The following SOX12 variants were observed in gnomAD, a reference collection of about 807,000 sequenced individuals.
SOX12 encodes the protein SRY-box transcription factor 12.
SOX12 carries 8 observed loss-of-function variants against 21.5 expected under a neutral mutation model. The observed-to-expected ratio is 0.37, with a 90% CI of 0.22 to 0.67. The LOEUF (loss-of-function observed/expected upper bound fraction) is 0.67, where lower values mean the gene tolerates loss of function less well. Ranked by LOEUF, SOX12 falls within the 30% of genes least tolerant of loss-of-function variation. The pLI is 0.56. For synonymous variants in SOX12, 235 were observed against 224.2 expected (o/e 1.05, Z -0.43); for missense variants, 400 against 482.6 (o/e 0.83, Z 1.60).
rs961060369 is a variant in SOX12, at chr20:327,166, C to G, written c.*294C>G. On this transcript the variant is annotated 3_prime_UTR_variant, in exon 1 of 1. Transcript: ENST00000342665. ...TACACCTCCCGTCCTCTCCTACAGA[C>G]CTGCACCCCTCCCCCCTTTTGCACA... The G allele has an allele frequency of 7.3e-5, 33 of 449,548 alleles. No individual in the cohort carries two copies. Among genetic ancestry groups the G allele is most frequent in the African/African-American group, 6.6e-4 (32 of 48,840 alleles). 27.8% of individuals were successfully genotyped at this position (449,548 alleles called of 1,614,324 possible).
chr20:328,064 G>A lies in SOX12; in HGVS notation c.*1192G>A, dbSNP rs897013501. 1 of 167,196 alleles carries A rather than the reference G, an allele frequency of 6.0e-6. No individual in the cohort carries two copies. Among genetic ancestry groups the A allele is most frequent in the Admixed American group, 6.5e-5 (1 of 15,292 alleles). 10.4% of individuals were successfully genotyped at this position (167,196 alleles called of 1,614,324 possible). A position where few individuals can be genotyped will look rare whatever the true frequency, so the allele number is the denominator to read the frequency against. On this transcript the variant is annotated 3_prime_UTR_variant, in exon 1 of 1. Transcript: ENST00000342665. ...GAAGACTCTCGCTTTTAAACATCTG[G>A]TTTGGGAGAGACCATCGACTTGGCC...
chr20:326,606 G>C lies in SOX12; in HGVS notation c.682G>C (p.Glu228Gln). ...GACACCGTCGGAGGACGAGGAGCCG[G>C]AGGAAGAGGAGGAGGAGGCGGCAGC... is the stretch of plus-strand genomic sequence containing the variant. The part of the protein sequence containing the change: ...SPTPSEDEEP[E>Q]EEEEEAAAAE... Residue 228 changes from glutamate to glutamine, a missense_variant, in exon 1 of 1, where the codon GAG becomes CAG. Physicochemically the swap from Glu to Gln is conservative, Grantham distance 29. Coordinates refer to ENST00000342665, the MANE Select transcript of SOX12 (RefSeq NM_006943.4). This position sits in a 1 kb window ranked among gnomAD's most constrained non-coding sequence, Gnocchi z 9.9. The C allele has an allele frequency of 6.5e-7, 1 of 1,540,354 alleles. No individual in the cohort carries two copies. Among genetic ancestry groups the C allele is most frequent in the Non-Finnish European group, 8.7e-7 (1 of 1,143,284 alleles).
At position 326,669 on chromosome 20, in the gene SOX12, G is replaced by C. The variant is rs1394903386; in HGVS notation, c.745G>C (p.Glu249Gln). The C allele has an allele frequency of 1.9e-6, 3 of 1,558,120 alleles. No homozygotes were observed. Among genetic ancestry groups the C allele is most frequent in the African/African-American group, 2.7e-5 (2 of 73,268 alleles). Reference protein sequence around the residue: ...EGEEETVASGEESLGFLSRLP... With the variant: ...EGEEETVASGQESLGFLSRLP... The stretch of plus-strand genomic sequence containing the variant: ...TGAAGAGGAGACGGTGGCGTCGGGG[G>C]AGGAGTCGCTGGGCTTTCTGTCCAG... The change falls in exon 1 of 1, where the codon GAG (glutamate) becomes CAG (glutamine). Residue 249 changes from glutamate (E) to glutamine (Q), a missense_variant. Physicochemically the swap from Glu to Gln is conservative, Grantham distance 29. This residue lies in a region of SOX12 where 235 missense variants were observed against 219.3 expected (regional missense o/e 1.07). Coordinates refer to ENST00000342665, the MANE Select transcript of SOX12 (RefSeq NM_006943.4). The surrounding 1 kb of genome is among the most constrained non-coding windows in gnomAD (Gnocchi z 9.9).
Position 326,620 on chromosome 20 carries a change from G to A in SOX12, c.696G>A (p.Glu232=), listed in dbSNP as rs1371573666. ...SEDEEPEEEE[E]EAAAAEEGEE... is the part of the protein sequence containing the mutation. The stretch of plus-strand genomic sequence containing the variant: ...ACGAGGAGCCGGAGGAAGAGGAGGA[G>A]GAGGCGGCAGCGGCTGAGGAAGGTG... Residue 232 remains glutamate, a synonymous_variant, in exon 1 of 1, where the codon GAG becomes GAA. Coordinates refer to ENST00000342665, the MANE Select transcript of SOX12 (RefSeq NM_006943.4). The surrounding 1 kb of genome is among the most constrained non-coding windows in gnomAD (Gnocchi z 9.9). 1 of 1,544,828 alleles carries A rather than the reference G, an allele frequency of 6.5e-7. No homozygotes were observed. The highest frequency in any genetic ancestry group is 2.0e-5 in the Admixed American group (1 of 50,468).
Position 328,093 on chromosome 20 carries a change from G to A in SOX12, c.*1221G>A, listed in dbSNP as rs189952110. The A allele has an allele frequency of 6.0e-6, 1 of 167,304 alleles. No homozygotes were observed. Among genetic ancestry groups the A allele is most frequent in the East Asian group, 1.9e-4 (1 of 5,190 alleles). 10.4% of individuals were successfully genotyped at this position (167,304 alleles called of 1,614,324 possible). ...GGGAGAGACCATCGACTTGGCCAGT[G>A]AGACTGAGAATGGATTCCGAGTAGT... On this transcript the variant is annotated 3_prime_UTR_variant, in exon 1 of 1. Transcript: ENST00000342665.
rs922508934 is a variant in SOX12 at position 329,517 on chromosome 20, T to C, written c.*2645T>C. On this transcript the variant is annotated 3_prime_UTR_variant, in exon 1 of 1. Transcript: ENST00000342665. ...TCCCTCCCTGTTTGAATCTGCAGAT[T>C]GTGTTAGGCCCCCAGCTGAGGGCCT... 1.2e-5 allele frequency: 2 copies of C among 166,530 alleles called. No individual in the cohort carries two copies. Among genetic ancestry groups the C allele is most frequent in the Non-Finnish European group, 2.9e-5 (2 of 68,164 alleles). 10.3% of individuals were successfully genotyped at this position (166,530 alleles called of 1,614,324 possible).
rs1333215980 is a variant in SOX12 at position 330,139 on chromosome 20, T to G, written c.*3267T>G. 6.0e-6 allele frequency: 1 copy of G among 167,128 alleles called. No homozygotes were observed. Among genetic ancestry groups the G allele is most frequent in the African/African-American group, 2.4e-5 (1 of 41,466 alleles). The allele number at this position is 167,128 out of a possible 1,614,324, so 10.4% of individuals were successfully genotyped here. On this transcript the variant is annotated 3_prime_UTR_variant, in exon 1 of 1. Transcript: ENST00000342665. The stretch of plus-strand genomic sequence containing the variant: ...GGGCTTCGTCAGGCCTGCAGCACAA[T>G]TTGACTTCCTATGCCCAGGCCTGCT...
chr20:325,557 A>C lies in SOX12; in HGVS notation c.-368A>C, dbSNP rs1361531987. The C allele has an allele frequency of 6.7e-6, 1 of 149,264 alleles. No individual in the cohort carries two copies. Among genetic ancestry groups the C allele is most frequent in the African/African-American group, 2.4e-5 (1 of 40,898 alleles). The allele number at this position is 149,264 out of a possible 1,614,324, so 9.2% of individuals were successfully genotyped here. A position where few individuals can be genotyped will look rare whatever the true frequency, so the allele number is the denominator to read the frequency against. ...GGCCGCGCGGGGAGAAAGACACTGA[A>C]AGGCGTCGGCGGCCGGGCGGGGAGC... is the stretch of plus-strand genomic sequence containing the variant. On this transcript the variant is annotated 5_prime_UTR_variant, in exon 1 of 1. Transcript: ENST00000342665. The surrounding 1 kb of genome is among the most constrained non-coding windows in gnomAD (Gnocchi z 5.0).
In SOX12 at chr20:326,263, A is replaced by G; in HGVS notation, c.339A>G (p.Lys113=). The change falls in exon 1 of 1, where the codon AAA becomes AAG. Residue 113 remains lysine, a synonymous_variant. Coordinates refer to ENST00000342665, the MANE Select transcript of SOX12 (RefSeq NM_006943.4). This position sits in a 1 kb window ranked among gnomAD's most constrained non-coding sequence, Gnocchi z 9.9. ...CGGACTACAAGTACCGGCCGCGCAA[A>G]AAGAGCAAGGGGGCGCCCGCCAAGG... ...DYPDYKYRPR[K]KSKGAPAKAR... The G allele has an allele frequency of 6.5e-7, 1 of 1,533,616 alleles. No individual in the cohort carries two copies. The highest frequency in any genetic ancestry group is 8.8e-7 in the Non-Finnish European group (1 of 1,141,250).
rs772697483 is a variant in SOX12 at position 326,239 on chromosome 20, G to C, written c.315G>C (p.Pro105=). Residue 105 remains proline, a synonymous_variant, in exon 1 of 1, where the codon CCG becomes CCC. Coordinates refer to ENST00000342665, the MANE Select transcript of SOX12 (RefSeq NM_006943.4). This position sits in a 1 kb window ranked among gnomAD's most constrained non-coding sequence, Gnocchi z 9.9. Reference sequence around the variant, plus strand: ...GGCTCAAGCACATGGCGGATTACCCGGACTACAAGTACCGGCCGCGCAAAA... The same window carrying C: ...GGCTCAAGCACATGGCGGATTACCCCGACTACAAGTACCGGCCGCGCAAAA... The part of the protein sequence containing the change: ...RLRLKHMADY[P]DYKYRPRKKS... 2.5e-6 allele frequency: 4 copies of C among 1,574,304 alleles called. No individual in the cohort carries two copies. The highest frequency in any genetic ancestry group is 3.4e-4 in the Middle Eastern group (2 of 5,958).
In SOX12 at chr20:328,170, G is replaced by A. The variant is rs1214932699; in HGVS notation, c.*1298G>A. 1.2e-5 allele frequency: 2 copies of A among 167,038 alleles called. No homozygotes were observed. The highest frequency in any genetic ancestry group is 2.9e-5 in the Non-Finnish European group (2 of 68,156). The allele number at this position is 167,038 out of a possible 1,614,324, so 10.3% of individuals were successfully genotyped here. A position where few individuals can be genotyped will look rare whatever the true frequency, so the allele number is the denominator to read the frequency against. ...CCACGTGAGAAATGGGGAGAACGCT[G>A]CTGTTAGGAGGAAGTTGTGTCCAGT... On this transcript the variant is annotated 3_prime_UTR_variant, in exon 1 of 1. Transcript: ENST00000342665.
rs2013131079 is a variant in SOX12 at position 327,954 on chromosome 20, A to G, written c.*1082A>G. 1 of 167,110 alleles carries G rather than the reference A, an allele frequency of 6.0e-6. No individual in the cohort carries two copies. The highest frequency in any genetic ancestry group is 2.4e-5 in the African/African-American group (1 of 41,416). 10.4% of individuals were successfully genotyped at this position (167,110 alleles called of 1,614,324 possible). ...TCACCCAGGTCCACCCTCAGTACTCAAGCTGCAGTATACAGCGGGAAAAAC... is the reference window on the plus strand; with the variant it reads ...TCACCCAGGTCCACCCTCAGTACTCGAGCTGCAGTATACAGCGGGAAAAAC... On this transcript the variant is annotated 3_prime_UTR_variant, in exon 1 of 1. Transcript: ENST00000342665.
Position 325,954 on chromosome 20 carries a change from G to T in SOX12, c.30G>T (p.Lys10Asn). The stretch of plus-strand genomic sequence containing the variant: ...TGCAGCAGCGGGGCGCGAGGGCCAA[G>T]CGGGACGGCGGGCCGCCGCCCCCGG... Reference protein sequence around the residue: MVQQRGARAKRDGGPPPPGP... With the variant: MVQQRGARANRDGGPPPPGP... The change falls in exon 1 of 1, where the codon AAG (lysine) becomes AAT (asparagine). Residue 10 changes from lysine to asparagine, a missense_variant. By Grantham distance (94) the Lys-to-Asn change is moderately conservative (BLOSUM62 0). Around this residue, in one of 4 missense-constraint regions of SOX12, gnomAD observed 56 missense variants for 51.5 expected, o/e 1.09. Coordinates refer to ENST00000342665, the MANE Select transcript of SOX12 (RefSeq NM_006943.4). The surrounding 1 kb of genome is among the most constrained non-coding windows in gnomAD (Gnocchi z 5.0). 7.4e-7 allele frequency: 1 copy of T among 1,343,986 alleles called. No homozygotes were observed. Among genetic ancestry groups the T allele is most frequent in the Non-Finnish European group, 9.5e-7 (1 of 1,048,264 alleles). 83.3% of individuals were successfully genotyped at this position (1,343,986 alleles called of 1,614,324 possible).
Position 327,083 on chromosome 20 carries a change from C to G in SOX12, c.*211C>G. On this transcript the variant is annotated 3_prime_UTR_variant, in exon 1 of 1. Coordinates refer to ENST00000342665, the MANE Select transcript of SOX12 (RefSeq NM_006943.4). Reference sequence around the variant, plus strand: ...CAACCCCCACCCCTTCCCCGACACCCAAGCCCCTCCCCACGTCGCCCCCTC... The same window carrying G: ...CAACCCCCACCCCTTCCCCGACACCGAAGCCCCTCCCCACGTCGCCCCCTC... The G allele has an allele frequency of 3.3e-6, 2 of 605,850 alleles. No individual in the cohort carries two copies. The highest frequency in any genetic ancestry group is 2.8e-5 in the East Asian group (1 of 35,226). The allele number at this position is 605,850 out of a possible 1,614,324, so 37.5% of individuals were successfully genotyped here.
rs901220376 is a variant in SOX12 at position 326,962 on chromosome 20, A to G, written c.*90A>G. On this transcript the variant is annotated 3_prime_UTR_variant, in exon 1 of 1. Coordinates refer to ENST00000342665, the MANE Select transcript of SOX12 (RefSeq NM_006943.4). This position sits in a 1 kb window ranked among gnomAD's most constrained non-coding sequence, Gnocchi z 9.9. ...GGGCCCCTCGGAGGCCGAGGCTGGC[A>G]CCCCATCTCCCGCGCAGCCTGCCCC... The G allele has an allele frequency of 4.8e-6, 6 of 1,253,952 alleles. No individual in the cohort carries two copies. Among genetic ancestry groups the G allele is most frequent in the African/African-American group, 3.0e-5 (2 of 67,422 alleles). 77.7% of individuals were successfully genotyped at this position (1,253,952 alleles called of 1,614,324 possible). A position where few individuals can be genotyped will look rare whatever the true frequency, so the allele number is the denominator to read the frequency against.
rs1401456373 is a variant in SOX12, at chr20:327,357, C to T, written c.*485C>T. Reference sequence around the variant, plus strand: ...GGGGGGAGGGGCGCACCCCTTTTATCCCCGGAGCGCTAGGGCCCGCCCCTC... The same window carrying T: ...GGGGGGAGGGGCGCACCCCTTTTATTCCCGGAGCGCTAGGGCCCGCCCCTC... On this transcript the variant is annotated 3_prime_UTR_variant, in exon 1 of 1. Transcript: ENST00000342665. 1.1e-5 allele frequency: 2 copies of T among 188,056 alleles called. No homozygotes were observed. Among genetic ancestry groups the T allele is most frequent in the Non-Finnish European group, 1.2e-5 (1 of 81,798 alleles). 11.6% of individuals were successfully genotyped at this position (188,056 alleles called of 1,614,324 possible).
In SOX12 at chr20:326,314, C is replaced by T. The variant is rs200558979; in HGVS notation, c.390C>T (p.Ser130=). 9,725 of 1,387,306 alleles carry T rather than the reference C, an allele frequency of 7.0e-3. 92 individuals carry two copies. The highest frequency in any genetic ancestry group is 0.029 in the South Asian group (1,767 of 60,784). The allele number at this position is 1,387,306 out of a possible 1,614,324, so 85.9% of individuals were successfully genotyped here. A position where few individuals can be genotyped will look rare whatever the true frequency, so the allele number is the denominator to read the frequency against. The change falls in exon 1 of 1, where the codon AGC becomes AGT. Residue 130 remains serine, a synonymous_variant. Coordinates refer to ENST00000342665, the MANE Select transcript of SOX12 (RefSeq NM_006943.4). This position sits in a 1 kb window ranked among gnomAD's most constrained non-coding sequence, Gnocchi z 9.9. ...AKARPRPPGG[S]GGGSRLKPGP... ...CGCGGCCCCGCCCCCCCGGTGGTAG[C>T]GGTGGCGGCAGCCGGCTCAAGCCCG...
At position 326,668 on chromosome 20, in the gene SOX12, G is replaced by A. The variant is rs1265453398; in HGVS notation, c.744G>A (p.Gly248=). 2 of 1,557,624 alleles carry A rather than the reference G, an allele frequency of 1.3e-6. No homozygotes were observed. The highest frequency in any genetic ancestry group is 2.4e-5 in the East Asian group (1 of 41,262). Residue 248 remains glycine (G), a synonymous_variant, in exon 1 of 1, where the codon GGG becomes GGA. Transcript: ENST00000342665. The surrounding 1 kb of genome is among the most constrained non-coding windows in gnomAD (Gnocchi z 9.9). The stretch of plus-strand genomic sequence containing the variant: ...GTGAAGAGGAGACGGTGGCGTCGGG[G>A]GAGGAGTCGCTGGGCTTTCTGTCCA... ...EEGEEETVAS[G]EESLGFLSRL... is the part of the protein sequence containing the mutation.
chr20:325,802 G>GGGGGCCGGGCCGAGCCGCGGGGC lies in SOX12; in HGVS notation c.-115_-93dup, dbSNP rs1395748807. 41 of 394,670 alleles carry GGGGGCCGGGCCGAGCCGCGGGGC rather than the reference G, an allele frequency of 1.0e-4. No homozygotes were observed. Among genetic ancestry groups the GGGGGCCGGGCCGAGCCGCGGGGC allele is most frequent in the Admixed American group, 3.1e-4 (5 of 15,956 alleles). 24.4% of individuals were successfully genotyped at this position (394,670 alleles called of 1,614,324 possible). ...CCCAGCTCCTCGCTCCCCAGTTCGC[G>GGGGGCCGGGCCGAGCCGCGGGGC]GGGGCCGGGCCGAGCCGCGGGGCGG... On this transcript the variant is annotated 5_prime_UTR_variant, in exon 1 of 1. Transcript: ENST00000342665. This position sits in a 1 kb window ranked among gnomAD's most constrained non-coding sequence, Gnocchi z 5.0.
Sources: allele counts gnomAD v4.1 joint callset, GRCh38; gene constraint gnomAD v4.1.1; regional missense constraint gnomAD v4.1.1; non-coding constraint Gnocchi (gnomAD v3.1); transcripts MANE v1.5; gene names NCBI Gene and HGNC (gene_info 2026-07-23, HGNC 2026-07-21).